Variants in GALNTL6 observed in about 807,000 individuals in gnomAD.
The protein encoded by GALNTL6 is polypeptide N-acetylgalactosaminyltransferase like 6.
A neutral mutation model predicts 73.7 loss-of-function variants in GALNTL6; 46 were observed. That is an observed-to-expected ratio of 0.62 (90% CI 0.49 to 0.80). The LOEUF is 0.80. Among genes scored for constraint, GALNTL6 ranks in the 30% least tolerant of loss-of-function variants. The pLI, the probability that GALNTL6 is intolerant of heterozygous loss-of-function variation, is 0.00. For missense variants in GALNTL6, 604 were observed against 755.0 expected, an observed-to-expected ratio of 0.80 and a Z score of 2.34; for synonymous variants, 259 against 263.7, an observed-to-expected ratio of 0.98 and a Z score of 0.17.
intron 5 of GALNTL6, among the ~76,000 whole-genome samples, chr4:172,402,776 C>G (rs752220338): frequency 1.3e-5 from 2 of 151,942 alleles, no homozygotes; most frequent in Non-Finnish European, 2.9e-5. Context: ...GATCATTTTA[C>G]CAGGTATCAG....
At chr4:172,857,644 T>C (rs1421529565) in intron 7 of GALNTL6, among the ~76,000 whole-genome samples, 3 of 152,194 alleles carry the variant, frequency 2.0e-5, no homozygotes, top group Admixed American at 2.0e-4. Flanking sequence ...CATATCTCAC[T>C]AAGAATGACC....
intron 5 of GALNTL6, among the ~76,000 whole-genome samples, chr4:172,612,301 C>T (rs756413019): frequency 4.0e-5 from 6 of 151,838 alleles, no homozygotes; most frequent in Non-Finnish European, 7.4e-5. Flanking sequence ...AAATATGAAT[C>T]GGTATTATGA....
rs1354292171 is a variant in GALNTL6, at chr4:172,504,332, C to T, written c.553+155643C>T. Among the ~76,000 whole-genome samples the T allele has an allele frequency of 3.8e-5, 2 of 52,312 alleles. 1 individual carries two copies. The highest frequency in any genetic ancestry group is 8.7e-5 in the Non-Finnish European group (2 of 23,086). 34.3% of individuals were successfully genotyped at this position (52,312 alleles called of 152,430 possible). ...TCTGCACAATTGACTCTTAATAGCA[C>T]ATTGCCTTGCAATAGCAGCCCACAC... On this transcript the variant is annotated intron_variant, in intron 5 of 12. Coordinates refer to ENST00000506823, the MANE Select transcript of GALNTL6 (RefSeq NM_001034845.3).
At chr4:172,912,959 C>A (rs1212960298) in intron 8 of GALNTL6, among the ~76,000 whole-genome samples, 1 of 152,192 alleles carries the variant, frequency 6.6e-6, no homozygotes, top group Non-Finnish European at 1.5e-5. Context: ...CTGGGAGACA[C>A]CTCCCAGTAG....
chr4:171,817,030 C>A (rs1407902358), intron 2 of GALNTL6, among the ~76,000 whole-genome samples: 2 of 152,132 alleles, frequency 1.3e-5, no homozygotes, highest in Admixed American at 1.3e-4. Context: ...TATGTTATTT[C>A]TATTTAGCAA....
intron 2 of GALNTL6, among the ~76,000 whole-genome samples, chr4:171,875,230 C>G (rs180718346): frequency 6.6e-6 from 1 of 152,006 alleles, no homozygotes; most frequent in African/African-American, 2.4e-5. Context: ...GCCAAGAGAC[C>G]AACTAGTAAA....
chr4:172,726,340 A>G (rs1420055387), intron 5 of GALNTL6, among the ~76,000 whole-genome samples: 2 of 152,198 alleles, frequency 1.3e-5, no homozygotes, highest in Admixed American at 6.5e-5. Context: ...AGGAGGCAGT[A>G]AAGTACCCGC....
chr4:172,928,113 G>T (rs1209210358), intron 8 of GALNTL6, among the ~76,000 whole-genome samples: 1 of 152,164 alleles, frequency 6.6e-6, no homozygotes, highest in African/African-American at 2.4e-5. Context: ...TGGTAAGCAA[G>T]GTTTAACTGA....
chr4:172,067,102 G>C (rs1731387302), intron 2 of GALNTL6, among the ~76,000 whole-genome samples: 1 of 151,460 alleles, frequency 6.6e-6, no homozygotes, highest in South Asian at 2.1e-4. Flanking sequence ...TGAGGATTTT[G>C]CTGTTATAAT....
At chr4:172,517,421 C>T (rs960532241) in intron 5 of GALNTL6, among the ~76,000 whole-genome samples, 1 of 152,010 alleles carries the variant, frequency 6.6e-6, no homozygotes, top group Non-Finnish European at 1.5e-5. Flanking sequence ...TAAGTAGAAG[C>T]AAACAGAGCC....
chr4:172,772,440 C>T (rs146125488), intron 5 of GALNTL6, among the ~76,000 whole-genome samples: 2 of 152,172 alleles, frequency 1.3e-5, no homozygotes, highest in African/African-American at 4.8e-5. Flanking sequence ...TCTTATGATA[C>T]ATGAAAACAT....
intron 2 of GALNTL6, among the ~76,000 whole-genome samples, chr4:172,036,587 T>C (rs1741935712): frequency 1.3e-5 from 2 of 152,252 alleles, no homozygotes; most frequent in Non-Finnish European, 2.9e-5. Flanking sequence ...TTGTATGTAT[T>C]AGTTCAATTA....
intron 10 of GALNTL6, among the ~76,000 whole-genome samples, chr4:172,993,186 G>A (rs768583493): frequency 6.6e-5 from 10 of 152,192 alleles, no homozygotes; most frequent in African/African-American, 2.4e-5. Flanking sequence ...GGTCCTAAGG[G>A]TGGTGCCCTA....
At chr4:172,095,378 G>A (rs1018371399) in intron 2 of GALNTL6, among the ~76,000 whole-genome samples, 23 of 152,096 alleles carry the variant, frequency 1.5e-4, no homozygotes, top group African/African-American at 4.8e-4. Flanking sequence ...GCGCGTGTAC[G>A]AAGGGATGCA....
At chr4:172,584,367 A>C (rs1340203950) in intron 5 of GALNTL6, among the ~76,000 whole-genome samples, 1 of 152,196 alleles carries the variant, frequency 6.6e-6, no homozygotes, top group Non-Finnish European at 1.5e-5. Flanking sequence ...ACCAAAGCAT[A>C]GAGATTTATT....
chr4:172,332,248 T>C (rs539782727), intron 4 of GALNTL6, among the ~76,000 whole-genome samples: 1 of 152,110 alleles, frequency 6.6e-6, no homozygotes, highest in African/African-American at 2.4e-5. Context: ...TTTTAATTTG[T>C]AAAAATTTAT....
chr4:171,868,338 G>T (rs1736029284), intron 2 of GALNTL6, among the ~76,000 whole-genome samples: 1 of 151,698 alleles, frequency 6.6e-6, no homozygotes. Context: ...ATGTTTGTCT[G>T]CTCCTTACCC....
chr4:171,957,312 C>G (rs765092127), intron 2 of GALNTL6, among the ~76,000 whole-genome samples: 5 of 152,088 alleles, frequency 3.3e-5, no homozygotes, highest in Admixed American at 2.0e-4. Flanking sequence ...ATTCCCTAAG[C>G]AATTGTCAAA....
chr4:171,951,877 T>A (rs1451777051), intron 2 of GALNTL6, among the ~76,000 whole-genome samples: 1 of 152,056 alleles, frequency 6.6e-6, no homozygotes, highest in Non-Finnish European at 1.5e-5. Flanking sequence ...GAAGCTAGTT[T>A]GTAACCTGAA....
Sources: allele counts gnomAD v4.1 joint callset (sites outside exome capture counted in the v4.1 genomes callset), GRCh38; gene constraint gnomAD v4.1.1; transcripts MANE v1.5; gene names NCBI Gene and HGNC (gene_info 2026-07-23, HGNC 2026-07-21).